The following PCYT1B variants were observed in gnomAD, a reference collection of about 807,000 sequenced individuals.
PCYT1B encodes the protein phosphate cytidylyltransferase 1B, choline, also known as choline-phosphate cytidylyltransferase B.
A neutral mutation model predicts 26.4 loss-of-function variants in PCYT1B; 10 were observed. That is an observed-to-expected ratio of 0.38 (90% CI 0.23 to 0.64). The LOEUF (loss-of-function observed/expected upper bound fraction) is 0.64. Among genes scored for constraint, PCYT1B ranks in the 30% least tolerant of loss-of-function variants. The probability of loss-of-function intolerance (pLI) is 0.56; values close to 1 mark genes in which losing one functional copy is unlikely to be tolerated. For synonymous variants in PCYT1B, 131 were observed against 108.4 expected (o/e 1.21, Z -1.29); for missense variants, 161 against 292.7 (o/e 0.55, Z 3.28).
At chrX:24,617,819 AC>A (rs1438017540) in intron 2 of PCYT1B, among the ~76,000 whole-genome samples, 1 of 111,099 alleles carries the variant, frequency 9.0e-6, no homozygotes, top group Non-Finnish European at 1.9e-5. Flanking sequence ...ATCCCAATCA[AC>A]TAAAACAACA....
Position 24,562,648 on chromosome X carries a change from C to T in PCYT1B, c.898-143G>A, listed in dbSNP as rs1386653023. On this transcript the variant is annotated intron_variant, in intron 7 of 7. Transcript: ENST00000379144. The stretch of plus-strand genomic sequence containing the variant: ...ACACTCATACCACATCCCGTGTTGT[C>T]CAAGACTATGTATAGTAAGGAACCG... 2.2e-5 allele frequency: 11 copies of T among 498,774 alleles called. No homozygotes were observed. In the East Asian group the frequency reaches 3.7e-4, roughly 17 times the overall value. 41.1% of individuals were successfully genotyped at this position (498,774 alleles called of 1,213,427 possible).
intron 1 of PCYT1B, among the ~76,000 whole-genome samples, chrX:24,666,373 G>A: frequency 9.0e-6 from 1 of 111,303 alleles, no homozygotes; most frequent in Non-Finnish European, 1.9e-5. Flanking sequence ...GATATATGTA[G>A]GACAAACTCT....
intron 1 of PCYT1B, among the ~76,000 whole-genome samples, chrX:24,665,484 T>C (rs917723489): frequency 5.4e-5 from 6 of 110,103 alleles, no homozygotes; most frequent in African/African-American, 2.0e-4. Flanking sequence ...AGAGACAGGG[T>C]TTCGCCATGT....
intron 7 of PCYT1B, among the ~76,000 whole-genome samples, chrX:24,564,415 C>T (rs1190457008): frequency 2.8e-5 from 3 of 107,433 alleles, no homozygotes; most frequent in African/African-American, 6.8e-5. Context: ...TGCAGTGGCG[C>T]GATCTCGGTT....
chrX:24,562,354 G>A lies in PCYT1B; in HGVS notation c.1049C>T (p.Ser350Leu). 1 of 1,172,483 alleles carries A rather than the reference G, an allele frequency of 8.5e-7. No individual in the cohort carries two copies. The highest frequency in any genetic ancestry group is 1.1e-6 in the Non-Finnish European group (1 of 877,296). ...WLPLKTSPPSSPKAASASISS... is the reference protein window; with the variant it reads ...WLPLKTSPPSLPKAASASISS... Reference sequence around the variant, plus strand: ...GATAGAGGCTGAGGCTGCTTTGGGTGAGGAAGGGGGTGAGGTTTTGAGTGG... The same window carrying A: ...GATAGAGGCTGAGGCTGCTTTGGGTAAGGAAGGGGGTGAGGTTTTGAGTGG... The change falls in exon 8 of 8, where the codon TCA becomes TTA. Residue 350 changes from serine (S) to leucine (L), a missense_variant. Ser to Leu is a moderately radical substitution (Grantham distance 145, BLOSUM62 -2). Around this residue, in one of 4 missense-constraint regions of PCYT1B, gnomAD observed 38 missense variants for 55.9 expected, o/e 0.68. Transcript: ENST00000379144.
At chrX:24,590,943 GC>G (rs1455930581) in intron 3 of PCYT1B, among the ~76,000 whole-genome samples, 4 of 109,654 alleles carry the variant, frequency 3.6e-5, no homozygotes. Flanking sequence ...ACAGGCTCCT[GC>G]CACCACCCAG....
intron 1 of PCYT1B, among the ~76,000 whole-genome samples, chrX:24,624,593 C>G (rs939091953): frequency 8.9e-6 from 1 of 112,120 alleles, no homozygotes; most frequent in Admixed American, 9.5e-5. Context: ...ATCTCTGCCT[C>G]CTGCTTCCAG....
Position 24,558,852 on chromosome X carries a change from G to C in PCYT1B, c.*3441C>G, listed in dbSNP as rs1038177107. On this transcript the variant is annotated 3_prime_UTR_variant, in exon 8 of 8. Transcript: ENST00000379144. ...CCCTTGTTTCTTAGCTGGTGGAGGG[G>C]TGACCAGTTCATTTTAGGGTCCCCA... The C allele has an allele frequency of 3.6e-5, 4 of 110,107 alleles. No homozygotes were observed. The highest frequency in any genetic ancestry group is 1.3e-4 in the African/African-American group (4 of 30,219). The allele number at this position is 110,107 out of a possible 1,213,427, so 9.1% of individuals were successfully genotyped here.
At chrX:24,642,729 G>A (rs561566058) in intron 1 of PCYT1B, among the ~76,000 whole-genome samples, 8 of 111,586 alleles carry the variant, frequency 7.2e-5, no homozygotes, top group Non-Finnish European at 1.3e-4. Flanking sequence ...GTTTATTTTC[G>A]CCAATATTGC....
At chrX:24,580,765 G>A (rs775607378) in intron 5 of PCYT1B, among the ~76,000 whole-genome samples, 3 of 111,432 alleles carry the variant, frequency 2.7e-5, no homozygotes, top group East Asian at 2.8e-4. Flanking sequence ...ATATCATTAC[G>A]GCAACTCAGT....
chrX:24,648,449 A>ATTTT (rs57744798), upstream of PCYT1B, among the ~76,000 whole-genome samples: 12,617 of 39,688 alleles, frequency 0.32, 3,747 homozygotes, highest in Non-Finnish European at 0.4. Context: ...ATTTGAAGGA[A>ATTTT]TTTTTTTTTT....
intron 6 of PCYT1B, among the ~76,000 whole-genome samples, 154 bp from the exon 7 acceptor site, chrX:24,575,472 A>T (rs1448380853): frequency 8.9e-6 from 1 of 112,607 alleles, no homozygotes; most frequent in African/African-American, 3.2e-5. Context: ...GGCTAGGTTG[A>T]TGGAAAGGCA....
At chrX:24,633,774 T>C (rs1926185496) in intron 1 of PCYT1B, among the ~76,000 whole-genome samples, 1 of 112,130 alleles carries the variant, frequency 8.9e-6, no homozygotes, top group African/African-American at 3.2e-5. Flanking sequence ...TAAATTAGCC[T>C]ATGTTAAAAC....
intron 1 of PCYT1B, among the ~76,000 whole-genome samples, chrX:24,636,047 C>T (rs1602198954): frequency 9.0e-6 from 1 of 111,581 alleles, no homozygotes; most frequent in Non-Finnish European, 1.9e-5. Context: ...TAGGGCTGGA[C>T]TGGTCCTAGA....
chrX:24,647,690 A>G (rs1926674275), upstream of PCYT1B, among the ~76,000 whole-genome samples: 1 of 112,456 alleles, frequency 8.9e-6, no homozygotes, highest in African/African-American at 3.2e-5. Context: ...ATATTTGCCA[A>G]ATAGGAGTCA....
intron 7 of PCYT1B, 115 bp downstream of exon 7, chrX:24,575,015 A>C: frequency 1.9e-6 from 1 of 524,755 alleles, no homozygotes; most frequent in Admixed American, 3.8e-5. Flanking sequence ...GCTGATGCCT[A>C]AAGTAGAGGG....
At chrX:24,600,067 T>C (rs1332930890) in intron 3 of PCYT1B, among the ~76,000 whole-genome samples, 1 of 110,023 alleles carries the variant, frequency 9.1e-6, no homozygotes, top group Non-Finnish European at 1.9e-5. Flanking sequence ...GCCTGGCTAG[T>C]ATTTTTGTAT....
intron 3 of PCYT1B, among the ~76,000 whole-genome samples, chrX:24,597,342 C>T (rs1831271919): frequency 9.0e-6 from 1 of 110,848 alleles, no homozygotes; most frequent in African/African-American, 3.3e-5. Flanking sequence ...TCAGGCTGGT[C>T]CCGAACTCCT....
chrX:24,582,500 G>A (rs1418015588), intron 5 of PCYT1B, among the ~76,000 whole-genome samples: 2 of 112,305 alleles, frequency 1.8e-5, no homozygotes, highest in African/African-American at 3.2e-5. Flanking sequence ...AGCATGATCA[G>A]AGAACCTTTT....
Sources: allele counts gnomAD v4.1 joint callset (sites outside exome capture counted in the v4.1 genomes callset), GRCh38; gene constraint gnomAD v4.1.1; regional missense constraint gnomAD v4.1.1; transcripts MANE v1.5; gene names NCBI Gene and HGNC (gene_info 2026-07-23, HGNC 2026-07-21).